ADAM22: variants seen among roughly 807,000 people sequenced by gnomAD.
ADAM22 encodes the protein ADAM metallopeptidase domain 22.
ADAM22 carries 65 observed loss-of-function variants against 144.6 expected under a neutral mutation model. The observed-to-expected ratio is 0.45, with a 90% CI of 0.37 to 0.55. ADAM22 has a LOEUF of 0.55. Among genes scored for constraint, ADAM22 ranks in the 20% least tolerant of loss-of-function variants. The probability of loss-of-function intolerance (pLI) is 0.00; values close to 1 mark genes in which losing one functional copy is unlikely to be tolerated. For missense variants in ADAM22, 974 were observed against 1,184.9 expected (o/e 0.82, Z 2.61); for synonymous variants, 391 against 412.6 (o/e 0.95, Z 0.63).
intron 3 of ADAM22, among the ~76,000 whole-genome samples, chr7:88,064,291 G>A (rs751828164): frequency 6.6e-6 from 1 of 152,166 alleles, no homozygotes; most frequent in Non-Finnish European, 1.5e-5. Flanking sequence ...ACAGGTTGAG[G>A]TTGGGTTTAG....
chr7:88,085,696 C>A (rs368258941), intron 4 of ADAM22, among the ~76,000 whole-genome samples: 17 of 152,076 alleles, frequency 1.1e-4, no homozygotes, highest in African/African-American at 4.1e-4. Flanking sequence ...TTATATTGAC[C>A]ATTCAGTTCA....
At chr7:88,190,482 C>G (rs1291274398) in intron 30 of ADAM22, among the ~76,000 whole-genome samples, 1 of 152,072 alleles carries the variant, frequency 6.6e-6, no homozygotes, top group African/African-American at 2.4e-5. Flanking sequence ...CTGTGGTGAG[C>G]TGAGATCACA....
intron 3 of ADAM22, among the ~76,000 whole-genome samples, chr7:87,987,025 C>T (rs1439974054): frequency 6.6e-6 from 1 of 152,140 alleles, no homozygotes; most frequent in Non-Finnish European, 1.5e-5. Flanking sequence ...ATAGTCAACA[C>T]TTCCAATGTG....
chr7:88,108,655 C>T (rs558907124), intron 5 of ADAM22, among the ~76,000 whole-genome samples: 38 of 151,560 alleles, frequency 2.5e-4, no homozygotes, highest in African/African-American at 8.7e-4. Flanking sequence ...CTTGAACCTG[C>T]GAGGTGAAGG....
chr7:88,075,484 G>GAGAA (rs3085476), intron 3 of ADAM22, 142 bp from the exon 4 acceptor site: 333,000 of 590,036 alleles, frequency 0.56, 79,018 homozygotes, highest in East Asian at 0.8. Context: ...GTGTGAGTGT[G>GAGAA]AGAGAGAGAG....
chr7:87,973,070 C>G (rs1334338406), intron 2 of ADAM22, among the ~76,000 whole-genome samples: 2 of 152,152 alleles, frequency 1.3e-5, no homozygotes, highest in Non-Finnish European at 2.9e-5. Flanking sequence ...GCAATGGCAA[C>G]AAAAGCCAAA....
chr7:87,994,201 G>A (rs1368455627), intron 3 of ADAM22, among the ~76,000 whole-genome samples: 1 of 147,356 alleles, frequency 6.8e-6, no homozygotes, highest in Admixed American at 6.9e-5. Flanking sequence ...TTGCTCTGTC[G>A]CCCAGGCTGG....
rs954030882 is a variant in ADAM22, at chr7:88,202,540, C to T, written c.*6049C>T. The T allele has an allele frequency of 6.6e-6, 1 of 152,130 alleles. No homozygotes were observed. Among genetic ancestry groups the T allele is most frequent in the Non-Finnish European group, 1.5e-5 (1 of 68,022 alleles). The allele number at this position is 152,130 out of a possible 1,614,324, so 9.4% of individuals were successfully genotyped here. On this transcript the variant is annotated 3_prime_UTR_variant, in exon 32 of 32. Coordinates refer to ENST00000413139, the MANE Select transcript of ADAM22 (RefSeq NM_001324418.2). ...GTAATCAGGTAATCATGTGTATATA[C>T]TTAGATTCGCATTATTTTAACATTT... is the stretch of plus-strand genomic sequence containing the variant.
At chr7:88,081,044 G>T (rs1269881573) in intron 4 of ADAM22, among the ~76,000 whole-genome samples, 2 of 152,092 alleles carry the variant, frequency 1.3e-5, no homozygotes, top group Non-Finnish European at 2.9e-5. Context: ...CAAAAAAAGA[G>T]AATTTTAGAT....
chr7:88,122,037 T>C (rs947519209), intron 7 of ADAM22, among the ~76,000 whole-genome samples: 11 of 152,214 alleles, frequency 7.2e-5, no homozygotes, highest in Non-Finnish European at 1.6e-4. Flanking sequence ...AGATGGGTTC[T>C]CTGTTTCAGA....
intron 3 of ADAM22, among the ~76,000 whole-genome samples, chr7:88,049,767 G>C (rs1423007140): frequency 2.6e-5 from 4 of 152,090 alleles, no homozygotes; most frequent in Admixed American, 2.6e-4. Context: ...TTTTTACCTT[G>C]ATCATAAATT....
intron 2 of ADAM22, among the ~76,000 whole-genome samples, chr7:87,955,766 G>A (rs1457551857): frequency 6.6e-6 from 1 of 152,212 alleles, no homozygotes; most frequent in Admixed American, 6.5e-5. Context: ...TCCTTGAGCT[G>A]TGGTGGGGTC....
chr7:88,071,866 A>G (rs951200151), intron 3 of ADAM22, among the ~76,000 whole-genome samples: 1 of 152,182 alleles, frequency 6.6e-6, no homozygotes, highest in East Asian at 1.9e-4. Flanking sequence ...TTACATTAAT[A>G]TAAAATTTCC....
intron 5 of ADAM22, among the ~76,000 whole-genome samples, chr7:88,111,697 G>C (rs578143631): frequency 6.4e-4 from 97 of 151,736 alleles, no homozygotes; most frequent in Middle Eastern, 3.4e-3. Context: ...CTTAGCTATA[G>C]GTTTTTATCA....
At chr7:87,943,750 A>C (rs1490016369) in intron 2 of ADAM22, among the ~76,000 whole-genome samples, 1 of 152,200 alleles carries the variant, frequency 6.6e-6, no homozygotes, top group Non-Finnish European at 1.5e-5. Context: ...GGAATAAAGA[A>C]CGTAAATCAT....
intron 3 of ADAM22, among the ~76,000 whole-genome samples, chr7:88,025,103 T>A (rs1344273206): frequency 6.6e-6 from 1 of 152,166 alleles, no homozygotes; most frequent in Non-Finnish European, 1.5e-5. Context: ...TATTTCTAGT[T>A]CTAGATCCCT....
At chr7:87,967,726 T>C (rs1434576128) in intron 2 of ADAM22, among the ~76,000 whole-genome samples, 1 of 144,026 alleles carries the variant, frequency 6.9e-6, no homozygotes, top group African/African-American at 2.6e-5. Flanking sequence ...GAGAATTGCT[T>C]GAGCCCTAGA....
At chr7:88,115,413 T>C (rs1181368372) in intron 6 of ADAM22, among the ~76,000 whole-genome samples, 1 of 152,194 alleles carries the variant, frequency 6.6e-6, no homozygotes, top group Non-Finnish European at 1.5e-5. Context: ...AGAAACTTTA[T>C]CTCAGTTCTG....
intron 3 of ADAM22, among the ~76,000 whole-genome samples, chr7:88,011,384 C>CA (rs1795358759): frequency 6.6e-6 from 1 of 151,806 alleles, no homozygotes; most frequent in Non-Finnish European, 1.5e-5. Context: ...ACTAAAAATA[C>CA]AAAAAATTAG....
Sources: allele counts gnomAD v4.1 joint callset (sites outside exome capture counted in the v4.1 genomes callset), GRCh38; gene constraint gnomAD v4.1.1; transcripts MANE v1.5; gene names NCBI Gene and HGNC (gene_info 2026-07-23, HGNC 2026-07-21).